ADARB2: variants seen among roughly 807,000 people sequenced by gnomAD.
ADARB2 encodes adenosine deaminase RNA specific B2 (inactive).
A neutral mutation model predicts 62.2 loss-of-function variants in ADARB2; 25 were observed. The ratio of observed to expected loss-of-function variants is 0.40; its 90% CI spans 0.29 to 0.56. ADARB2 has a LOEUF of 0.56. Ranked by LOEUF, ADARB2 falls within the 20% of genes least tolerant of loss-of-function variation. The pLI is 0.43. For missense variants in ADARB2, 1,071 were observed against 1,077.4 expected (o/e 0.99, Z 0.08); for synonymous variants, 572 against 500.8 (o/e 1.14, Z -1.90).
chr10:1,401,683 G>C (rs780626183), intron 1 of ADARB2, among the ~76,000 whole-genome samples: 2 of 152,170 alleles, frequency 1.3e-5, no homozygotes, highest in Non-Finnish European at 2.9e-5. Flanking sequence ...GCTTCACGGC[G>C]GTTTGGGAGT....
chr10:1,609,417 G>C (rs867348661), intron 1 of ADARB2, among the ~76,000 whole-genome samples: 1 of 152,214 alleles, frequency 6.6e-6, no homozygotes, highest in East Asian at 1.9e-4. Context: ...ACCCCCACCT[G>C]CCAGCCCTGT....
intron 3 of ADARB2, among the ~76,000 whole-genome samples, chr10:1,311,783 C>T (rs1438438799): frequency 1.3e-5 from 2 of 152,234 alleles, no homozygotes; most frequent in African/African-American, 2.4e-5. Context: ...GGCACCCGAG[C>T]TACCATCTCC....
At chr10:1,535,421 C>T (rs528299792) in intron 1 of ADARB2, among the ~76,000 whole-genome samples, 19 of 152,308 alleles carry the variant, frequency 1.2e-4, no homozygotes, top group African/African-American at 3.6e-4. Context: ...CTGAGCTCTG[C>T]GTCCTCAGAT....
chr10:1,321,539 C>T (rs188176307), intron 3 of ADARB2, among the ~76,000 whole-genome samples: 4 of 152,148 alleles, frequency 2.6e-5, no homozygotes, highest in Non-Finnish European at 5.9e-5. Context: ...CATCACTGCG[C>T]CCTGCTAATA....
intron 1 of ADARB2, among the ~76,000 whole-genome samples, chr10:1,451,374 C>T (rs866691306): frequency 9.9e-5 from 15 of 152,200 alleles, no homozygotes; most frequent in African/African-American, 1.7e-4. Flanking sequence ...TTGCACCTGG[C>T]GGTGCTGCCC....
chr10:1,262,378 A>C (rs1831149367), intron 4 of ADARB2, among the ~76,000 whole-genome samples: 1 of 151,238 alleles, frequency 6.6e-6, no homozygotes, highest in African/African-American at 2.4e-5. Context: ...AATTTTTGCA[A>C]CCCACTCATG....
At chr10:1,634,336 T>G (rs6560749) in intron 1 of ADARB2, among the ~76,000 whole-genome samples, 136,777 of 152,232 alleles carry the variant, frequency 0.9, 62,118 homozygotes, top group Non-Finnish European at 0.97. Context: ...ACCACAGCGG[T>G]TGTTTTCCCA....
intron 1 of ADARB2, among the ~76,000 whole-genome samples, chr10:1,731,839 G>A (rs1835237183): frequency 6.6e-6 from 1 of 152,090 alleles, no homozygotes; most frequent in African/African-American, 2.4e-5. Flanking sequence ...GGGCAGCCAG[G>A]CTTTTCATAG....
intron 3 of ADARB2, among the ~76,000 whole-genome samples, chr10:1,339,740 G>A (rs1832005832): frequency 6.6e-6 from 1 of 152,208 alleles, no homozygotes; most frequent in Admixed American, 6.5e-5. Context: ...AAGCCCCACT[G>A]GGAGCTCAGA....
chr10:1,240,788 A>C (rs946901416), intron 5 of ADARB2, among the ~76,000 whole-genome samples: 1 of 152,220 alleles, frequency 6.6e-6, no homozygotes, highest in Non-Finnish European at 1.5e-5. Flanking sequence ...GCCTTCTCTG[A>C]CACAAACAAG....
At position 1,184,910 on chromosome 10, in the gene ADARB2, C is replaced by T. The variant is rs780364775; in HGVS notation, c.1994G>A (p.Arg665Gln). 35 of 1,613,766 alleles carry T rather than the reference C, an allele frequency of 2.2e-5. No homozygotes were observed. The highest frequency in any genetic ancestry group is 3.3e-5 in the South Asian group (3 of 91,080). The change falls in exon 9 of 10, where the codon CGG becomes CAG. Residue 665 changes from arginine (R) to glutamine (Q), a missense_variant. By Grantham distance (43) the Arg-to-Gln change is conservative (BLOSUM62 1). Coordinates refer to ENST00000381312, the MANE Select transcript of ADARB2 (RefSeq NM_018702.4). ...TGRRSCGGPS[R>Q]LCKHVLSARW... ...TGCAGACAGCACGTGCTTGCAGAGCCGGGATGGGCCCCCACAGCTCCTCCG... is the reference window on the plus strand; with the variant it reads ...TGCAGACAGCACGTGCTTGCAGAGCTGGGATGGGCCCCCACAGCTCCTCCG...
intron 1 of ADARB2, among the ~76,000 whole-genome samples, chr10:1,657,001 T>TTGTGTG (rs58944098): frequency 0.041 from 6,032 of 148,750 alleles, 157 homozygotes; most frequent in Middle Eastern, 0.14. Flanking sequence ...ATCTAGTGTT[T>TTGTGTG]TGTGTGTGTG....
chr10:1,698,194 T>A (rs1024382693), intron 1 of ADARB2, among the ~76,000 whole-genome samples: 1 of 152,232 alleles, frequency 6.6e-6, no homozygotes, highest in African/African-American at 2.4e-5. Flanking sequence ...TCCTTTTCTT[T>A]TAAAATTGTA....
chr10:1,435,223 G>A (rs1163264807), intron 1 of ADARB2, among the ~76,000 whole-genome samples: 1 of 152,234 alleles, frequency 6.6e-6, no homozygotes, highest in Non-Finnish European at 1.5e-5. Context: ...GGGAGCAGAT[G>A]AACGGCAGGA....
chr10:1,312,269 G>A (rs1456064511), intron 3 of ADARB2, among the ~76,000 whole-genome samples: 1 of 152,054 alleles, frequency 6.6e-6, no homozygotes, highest in East Asian at 1.9e-4. Flanking sequence ...CCACCAGGGT[G>A]TGGGGGATGC....
chr10:1,225,015 G>A (rs1337267751), intron 6 of ADARB2, among the ~76,000 whole-genome samples: 1 of 152,088 alleles, frequency 6.6e-6, no homozygotes, highest in Non-Finnish European at 1.5e-5. Flanking sequence ...TGACAGTGGG[G>A]TGTTAAAGTC....
At chr10:1,183,940 C>T (rs11817627) in intron 9 of ADARB2, among the ~76,000 whole-genome samples, 5,152 of 152,270 alleles carry the variant, frequency 0.034, 288 homozygotes, top group African/African-American at 0.12. Flanking sequence ...GGGGTCACCT[C>T]GAGCATGTGC....
At chr10:1,590,805 G>A (rs1833242368) in intron 1 of ADARB2, among the ~76,000 whole-genome samples, 1 of 152,126 alleles carries the variant, frequency 6.6e-6, no homozygotes, top group African/African-American at 2.4e-5. Context: ...GATGGGAGGA[G>A]TGCCTTCTGG....
At chr10:1,551,323 C>G (rs1467919205) in intron 1 of ADARB2, among the ~76,000 whole-genome samples, 1 of 152,208 alleles carries the variant, frequency 6.6e-6, no homozygotes, top group Non-Finnish European at 1.5e-5. Context: ...GGTCTTATGA[C>G]AGCCCCAGGA....
Sources: gnomAD v4.1 joint callset for allele counts (sites outside exome capture counted in the v4.1 genomes callset) on GRCh38, gnomAD v4.1.1 for gene constraint, MANE v1.5 for transcripts, NCBI Gene and HGNC (gene_info 2026-07-23, HGNC 2026-07-21) for gene names.